Variants in TRPM3 observed in about 807,000 individuals in gnomAD.
TRPM3 encodes transient receptor potential cation channel subfamily M member 3.
TRPM3 carries 77 observed loss-of-function variants against 181.2 expected under a neutral mutation model. The observed-to-expected ratio is 0.42, with a 90% CI of 0.35 to 0.51. TRPM3 has a LOEUF of 0.51. Among genes scored for constraint, TRPM3 ranks in the 20% least tolerant of loss-of-function variants. The pLI is 0.01. For synonymous variants in TRPM3, 745 were observed against 796.4 expected, an observed-to-expected ratio of 0.94 and a Z score of 1.09; for missense variants, 1,759 against 2,196.7, an observed-to-expected ratio of 0.80 and a Z score of 3.98.
At chr9:71,080,975 C>G (rs1471657402) in intron 1 of TRPM3, among the ~76,000 whole-genome samples, 1 of 152,004 alleles carries the variant, frequency 6.6e-6, no homozygotes, top group Non-Finnish European at 1.5e-5. Flanking sequence ...AACTGTGTAC[C>G]TCATAAGGAC....
At chr9:71,419,222 C>A (rs2093688892) in intron 1 of TRPM3, among the ~76,000 whole-genome samples, 1 of 151,718 alleles carries the variant, frequency 6.6e-6, no homozygotes. Flanking sequence ...GGATTTAATG[C>A]AGTACAGTAA....
At chr9:71,137,674 A>G (rs1287030764) in intron 1 of TRPM3, among the ~76,000 whole-genome samples, 1 of 152,212 alleles carries the variant, frequency 6.6e-6, no homozygotes, top group Non-Finnish European at 1.5e-5. Flanking sequence ...TCTTATTTTG[A>G]TATGTCACCA....
In TRPM3 at chr9:70,652,065, T is replaced by C. The variant is rs139468474; in HGVS notation, c.1346-11405A>G. On this transcript the variant is annotated intron_variant, in intron 9 of 25. Transcript: ENST00000677713. The stretch of plus-strand genomic sequence containing the variant: ...TGAATAGATCGACATGGGGTTGATA[T>C]GACAGATATTCTGGAGACAAAAAAT... Among the ~76,000 whole-genome samples the C allele has an allele frequency of 2.1e-3, 325 of 152,192 alleles. 2 individuals are homozygous for C. Among genetic ancestry groups the C allele is most frequent in the Non-Finnish European group, 1.5e-3 (103 of 68,010 alleles).
chr9:70,981,371 C>T (rs1470537750), intron 1 of TRPM3, among the ~76,000 whole-genome samples: 4 of 152,172 alleles, frequency 2.6e-5, no homozygotes, highest in Admixed American at 2.6e-4. Context: ...ATGATTAGCT[C>T]ATTAGCAAAG....
At chr9:70,778,276 CATTTA>C (rs2081829883) in intron 7 of TRPM3, among the ~76,000 whole-genome samples, 2 of 152,124 alleles carry the variant, frequency 1.3e-5, no homozygotes, top group Non-Finnish European at 1.5e-5. Flanking sequence ...ATGCGCCACG[CATTTA>C]TTTTACCCTC....
chr9:70,803,031 TGTA>T (rs1564365378), intron 6 of TRPM3, among the ~76,000 whole-genome samples: 1 of 63,218 alleles, frequency 1.6e-5, no homozygotes, highest in Non-Finnish European at 3.6e-5. Context: ...GGAGAAATTT[TGTA>T]AAAAAAAAAA....
chr9:71,389,035 T>C (rs1287425912), intron 1 of TRPM3, among the ~76,000 whole-genome samples: 1 of 151,784 alleles, frequency 6.6e-6, no homozygotes, highest in East Asian at 1.9e-4. Flanking sequence ...CAAACGAAAT[T>C]CAAACAACCC....
intron 1 of TRPM3, among the ~76,000 whole-genome samples, chr9:71,196,362 T>C (rs2078362154): frequency 6.6e-6 from 1 of 151,982 alleles, no homozygotes; most frequent in African/African-American, 2.4e-5. Flanking sequence ...AATTTGGATT[T>C]TATCATGAAT....
intron 22 of TRPM3, among the ~76,000 whole-genome samples, chr9:70,589,510 A>G (rs1471700926): frequency 6.6e-6 from 1 of 152,226 alleles, no homozygotes; most frequent in African/African-American, 2.4e-5. Context: ...GAAATAGCAC[A>G]TTTAATCTCT....
intron 1 of TRPM3, among the ~76,000 whole-genome samples, chr9:71,417,807 C>T (rs974176879): frequency 2.6e-5 from 4 of 151,942 alleles, no homozygotes; most frequent in Non-Finnish European, 4.4e-5. Context: ...AAAAGCCAAA[C>T]ATCAAATAAC....
chr9:71,390,614 G>T (rs1588805533), intron 1 of TRPM3, among the ~76,000 whole-genome samples: 1 of 151,968 alleles, frequency 6.6e-6, no homozygotes, highest in African/African-American at 2.4e-5. Flanking sequence ...CATCTTGGCT[G>T]TGCATGGGCC....
chr9:70,841,661 T>A (rs7874341), intron 5 of TRPM3, among the ~76,000 whole-genome samples: 5,563 of 85,742 alleles, frequency 0.065, 256 homozygotes, highest in Non-Finnish European at 0.072. Context: ...TATATATATA[T>A]CCCACCATAT....
intron 1 of TRPM3, among the ~76,000 whole-genome samples, chr9:71,039,384 A>G (rs1323672043): frequency 6.6e-6 from 1 of 152,236 alleles, no homozygotes; most frequent in African/African-American, 2.4e-5. Context: ...TAAGCAGGTT[A>G]AAAGGTCTAT....
intron 1 of TRPM3, among the ~76,000 whole-genome samples, chr9:71,407,014 T>C (rs929739366): frequency 1.3e-5 from 2 of 152,202 alleles, no homozygotes; most frequent in African/African-American, 4.8e-5. Flanking sequence ...GGATGGGGAA[T>C]GTGGCTTAAA....
At chr9:70,595,456 A>G (rs1025536482) in intron 21 of TRPM3, among the ~76,000 whole-genome samples, 2 of 152,194 alleles carry the variant, frequency 1.3e-5, no homozygotes, top group Non-Finnish European at 2.9e-5. Flanking sequence ...CACTGGGTAG[A>G]CACTGCTAAA....
In TRPM3 at chr9:71,135,416, G is replaced by T. The variant is rs538427998; in HGVS notation, c.184-270905C>A. Reference sequence around the variant, plus strand: ...AGGCTGTACCCAAAAGTAGCAATGTGAACTCTGTCAGAGCACCTTGCTAGT... The same window carrying T: ...AGGCTGTACCCAAAAGTAGCAATGTTAACTCTGTCAGAGCACCTTGCTAGT... On this transcript the variant is annotated intron_variant, in intron 1 of 24. Coordinates refer to the TRPM3 transcript ENST00000357533. Among the ~76,000 whole-genome samples, 4 of 152,212 alleles carry T rather than the reference G, an allele frequency of 2.6e-5. No individual in the cohort carries two copies. The South Asian group carries it at 8.3e-4, about 32-fold the overall frequency.
At chr9:71,055,253 T>C (rs1385145774) in intron 1 of TRPM3, among the ~76,000 whole-genome samples, 1 of 152,044 alleles carries the variant, frequency 6.6e-6, no homozygotes, top group Non-Finnish European at 1.5e-5. Flanking sequence ...TCAGGGAGAC[T>C]GGTTATAAAA....
intron 8 of TRPM3, among the ~76,000 whole-genome samples, chr9:70,746,346 T>G (rs1000333751): frequency 1.3e-5 from 2 of 151,930 alleles, no homozygotes; most frequent in Non-Finnish European, 2.9e-5. Flanking sequence ...TATTAAGGGG[T>G]AGGTAGATAG....
At chr9:71,254,247 A>G (rs2082534920) in intron 1 of TRPM3, among the ~76,000 whole-genome samples, 1 of 152,206 alleles carries the variant, frequency 6.6e-6, no homozygotes, top group African/African-American at 2.4e-5. Flanking sequence ...GAGATAAACC[A>G]AGCGCAGAAA....
Sources: allele counts gnomAD v4.1 joint callset (sites outside exome capture counted in the v4.1 genomes callset), GRCh38; gene constraint gnomAD v4.1.1; transcripts MANE v1.5; gene names NCBI Gene and HGNC (gene_info 2026-07-23, HGNC 2026-07-21).